Variants in CACNA1B observed in about 807,000 individuals in gnomAD.
CACNA1B encodes voltage-dependent N-type calcium channel subunit alpha-1B.
A neutral mutation model predicts 247.2 loss-of-function variants in CACNA1B; 70 were observed. The ratio of observed to expected loss-of-function variants is 0.28; its 90% confidence interval spans 0.23 to 0.35. The LOEUF (loss-of-function observed/expected upper bound fraction) is 0.35, where lower values mean the gene tolerates loss of function less well. Among genes scored for constraint, CACNA1B ranks in the 10% least tolerant of loss-of-function variants. The pLI is 1.00. For missense variants in CACNA1B, 2,367 were observed against 3,197.4 expected, an observed-to-expected ratio of 0.74 and a Z score of 6.26; for synonymous variants, 1,231 against 1,294.4, an observed-to-expected ratio of 0.95 and a Z score of 1.05.
At chr9:137,980,845 T>A (rs1353835336) in intron 12 of CACNA1B, among the ~76,000 whole-genome samples, 1 of 152,234 alleles carries the variant, frequency 6.6e-6, no homozygotes, top group Non-Finnish European at 1.5e-5. Context: ...TTATTTTTTT[T>A]AATAGCTGTG....
At position 137,955,738 on chromosome 9, in the gene CACNA1B, G is replaced by A. The variant is rs768660275; in HGVS notation, c.1111G>A (p.Ala371Thr). 8.7e-6 allele frequency: 14 copies of A among 1,613,150 alleles called. No individual in the cohort carries two copies. The highest frequency in any genetic ancestry group is 3.3e-5 in the Admixed American group (2 of 59,920). ...KERERVENRRAFLKLRRQQQI... is the reference protein window; with the variant it reads ...KERERVENRRTFLKLRRQQQI... The stretch of plus-strand genomic sequence containing the variant: ...GCGAGAGAGGGTGGAGAACCGCCGC[G>A]CCTTCCTGAAGCTGCGCCGGCAGCA... Residue 371 changes from alanine to threonine, a missense_variant, in exon 8 of 47, where the codon GCC becomes ACC. Ala to Thr is a moderately conservative substitution (Grantham distance 58, BLOSUM62 0). Coordinates refer to ENST00000371372, the MANE Select transcript of CACNA1B (RefSeq NM_000718.4). The surrounding 1 kb of genome is among the most constrained non-coding windows in gnomAD (Gnocchi z 6.9).
chr9:137,961,592 A>G (rs1221991191), intron 10 of CACNA1B, among the ~76,000 whole-genome samples: 1 of 152,140 alleles, frequency 6.6e-6, no homozygotes, highest in Non-Finnish European at 1.5e-5. Context: ...GTTGAATTTT[A>G]TTGAAGGTCT....
chr9:138,071,139 C>T (rs1309896481), intron 32 of CACNA1B, among the ~76,000 whole-genome samples: 1 of 152,262 alleles, frequency 6.6e-6, no homozygotes, highest in Non-Finnish European at 1.5e-5. Context: ...GTACTCCTCA[C>T]CTCCTGGACT....
chr9:138,048,608 A>G (rs757488131), intron 23 of CACNA1B, among the ~76,000 whole-genome samples: 11 of 152,216 alleles, frequency 7.2e-5, no homozygotes, highest in Non-Finnish European at 1.5e-4. Context: ...AGGTGTGCAC[A>G]TAACGTGTGC....
intron 12 of CACNA1B, among the ~76,000 whole-genome samples, chr9:137,977,855 G>A (rs1229994894): frequency 6.6e-6 from 1 of 152,016 alleles, no homozygotes; most frequent in Non-Finnish European, 1.5e-5. Context: ...TCAGGGTGGA[G>A]TGAAGGGTGG....
At chr9:137,962,366 A>AT (rs1958030660) in intron 10 of CACNA1B, among the ~76,000 whole-genome samples, 1 of 116,444 alleles carries the variant, frequency 8.6e-6, no homozygotes, top group African/African-American at 3.4e-5. Flanking sequence ...TTTTTGATGG[A>AT]TTTTTCATGT....
intron 9 of CACNA1B, 63 bp downstream of exon 9, chr9:137,956,890 C>A: frequency 7.4e-7 from 1 of 1,342,924 alleles, no homozygotes; most frequent in Non-Finnish European, 1.1e-6. Flanking sequence ...TGGGTGGTGA[C>A]ACGTGCCTGC....
rs75185769 is a variant in CACNA1B at position 138,038,494 on chromosome 9, C to G, written c.3287-5280C>G. 7.6e-3 allele frequency among the ~76,000 whole-genome samples: 1,159 copies of G among 152,344 alleles called. 15 individuals are homozygous for G. The highest frequency in any genetic ancestry group is 0.027 in the African/African-American group (1,107 of 41,572). On this transcript the variant is annotated intron_variant, in intron 20 of 46. Coordinates refer to ENST00000371372, the MANE Select transcript of CACNA1B (RefSeq NM_000718.4). Reference sequence around the variant, plus strand: ...CTCTTCAGCTCCTCTTCAGAGACTTCCCTTGGACTACAGGAACCACGGGAA... The same window carrying G: ...CTCTTCAGCTCCTCTTCAGAGACTTGCCTTGGACTACAGGAACCACGGGAA...
chr9:138,003,221 A>G (rs991753546), intron 15 of CACNA1B, among the ~76,000 whole-genome samples: 9 of 141,856 alleles, frequency 6.3e-5, no homozygotes, highest in South Asian at 2.6e-4. Context: ...GTCTTGCTCT[A>G]TTGCCAAGGC....
At chr9:138,047,333 C>G (rs1331005274) in intron 22 of CACNA1B, 66 bp from the exon 23 acceptor site, 17 of 1,241,614 alleles carry the variant, frequency 1.4e-5, no homozygotes, top group Non-Finnish European at 2.0e-5. Flanking sequence ...AAACTCGGAG[C>G]CACCGAGGGC....
At chr9:137,906,076 G>T (rs1454475475) in intron 3 of CACNA1B, among the ~76,000 whole-genome samples, 1 of 152,214 alleles carries the variant, frequency 6.6e-6, no homozygotes, top group Non-Finnish European at 1.5e-5. Context: ...TATTCCAGAG[G>T]CTGCTTACAC....
chr9:137,894,302 A>ATTTTT (rs56794355), intron 3 of CACNA1B, among the ~76,000 whole-genome samples: 23 of 96,056 alleles, frequency 2.4e-4, no homozygotes, highest in Non-Finnish European at 3.6e-4. Context: ...TTGTCTCTGT[A>ATTTTT]TTTTTTTTTT....
intron 3 of CACNA1B, among the ~76,000 whole-genome samples, chr9:137,889,806 C>T (rs879292375): frequency 7.4e-5 from 11 of 149,082 alleles, no homozygotes; most frequent in Admixed American, 6.7e-5. Flanking sequence ...CTTCAGCACA[C>T]GCCCCTGGCT....
At position 137,989,453 on chromosome 9, in the gene CACNA1B, G is replaced by T. The variant is rs140350231; in HGVS notation, c.1974+2599G>T. 2.9e-4 allele frequency among the ~76,000 whole-genome samples: 44 copies of T among 152,256 alleles called. No individual in the cohort carries two copies. The East Asian group carries it at 8.3e-3, about 29-fold the overall frequency. On this transcript the variant is annotated intron_variant, in intron 15 of 46. Transcript: ENST00000371372. Reference sequence around the variant, plus strand: ...AGAGAGGGTGGCCAGTGCCCCTTCCGAGTGAGTCCTGGAGAACATGTGCTC... The same window carrying T: ...AGAGAGGGTGGCCAGTGCCCCTTCCTAGTGAGTCCTGGAGAACATGTGCTC...
At chr9:138,079,580 T>TA (rs1252279242) in intron 36 of CACNA1B, among the ~76,000 whole-genome samples, 1 of 151,668 alleles carries the variant, frequency 6.6e-6, no homozygotes, top group Non-Finnish European at 1.5e-5. Flanking sequence ...CCATCTCTAC[T>TA]AAAAATACAA....
chr9:138,056,512 A>G (rs1959504651), intron 26 of CACNA1B, among the ~76,000 whole-genome samples: 1 of 152,226 alleles, frequency 6.6e-6, no homozygotes, highest in South Asian at 2.1e-4. Flanking sequence ...TGTGGCTGTT[A>G]TAAATGATGC....
rs1564265394 is a variant in CACNA1B at position 138,059,265 on chromosome 9, G to T, written c.4584+76G>T. 2.4e-6 allele frequency: 2 copies of T among 816,592 alleles called. No individual in the cohort carries two copies. The highest frequency in any genetic ancestry group is 4.2e-6 in the Non-Finnish European group (2 of 477,296). The allele number at this position is 816,592 out of a possible 1,614,324, so 50.6% of individuals were successfully genotyped here. On this transcript the variant is annotated intron_variant, in intron 30 of 46. Transcript: ENST00000371372. This position sits in a 1 kb window ranked among gnomAD's most constrained non-coding sequence, Gnocchi z 4.2. ...CCCATCTGTAGGGCGACCTTTGGGG[G>T]CTCACAATTTGGAGCTGGGAATTCT...
At chr9:137,902,013 G>A (rs1346825664) in intron 3 of CACNA1B, among the ~76,000 whole-genome samples, 7 of 152,106 alleles carry the variant, frequency 4.6e-5, no homozygotes, top group Non-Finnish European at 8.8e-5. Flanking sequence ...TTTAATGTCA[G>A]CTTTGCCACC....
At chr9:138,062,540 G>C (rs1461317934) in intron 31 of CACNA1B, among the ~76,000 whole-genome samples, 2 of 152,172 alleles carry the variant, frequency 1.3e-5, no homozygotes, top group Non-Finnish European at 2.9e-5. Flanking sequence ...CATCACTATG[G>C]GGAGATGCTT....
Sources: allele counts gnomAD v4.1 joint callset (sites outside exome capture counted in the v4.1 genomes callset), GRCh38; gene constraint gnomAD v4.1.1; non-coding constraint Gnocchi (gnomAD v3.1); transcripts MANE v1.5; gene names NCBI Gene and HGNC (gene_info 2026-07-23, HGNC 2026-07-21).